AGFG1: variants seen among roughly 807,000 people sequenced by gnomAD.
AGFG1 encodes arf-GAP domain and FG repeat-containing protein 1.
AGFG1 carries 10 observed loss-of-function variants against 60.6 expected under a neutral mutation model. The observed-to-expected ratio is 0.16, with a 90% confidence interval of 0.10 to 0.28. The LOEUF (loss-of-function observed/expected upper bound fraction) is 0.28. Ranked by LOEUF, AGFG1 falls within the 10% of genes least tolerant of loss-of-function variation. The pLI is 1.00. For missense variants in AGFG1, 537 were observed against 676.5 expected, an observed-to-expected ratio of 0.79 and a Z score of 2.29; for synonymous variants, 247 against 242.9, an observed-to-expected ratio of 1.02 and a Z score of -0.16.
At chr2:227,498,828 A>G (rs1691060515) in intron 2 of AGFG1, among the ~76,000 whole-genome samples, 1 of 152,258 alleles carries the variant, frequency 6.6e-6, no homozygotes, top group East Asian at 1.9e-4. Flanking sequence ...GTTACAGTGT[A>G]TTTCTTTCTA....
intron 5 of AGFG1, among the ~76,000 whole-genome samples, chr2:227,525,468 A>G (rs1691965763): frequency 6.6e-6 from 1 of 152,384 alleles, no homozygotes; most frequent in African/African-American, 2.4e-5. Context: ...ATACATACGT[A>G]CATATGTACA....
chr2:227,535,643 T>TA (rs1692287449), intron 8 of AGFG1, among the ~76,000 whole-genome samples: 1 of 152,208 alleles, frequency 6.6e-6, no homozygotes, highest in Non-Finnish European at 1.5e-5. Context: ...ACAAGAGATT[T>TA]ACCTATAACA....
intron 10 of AGFG1, chr2:227,550,133 T>G: frequency 2.3e-6 from 1 of 426,490 alleles, no homozygotes; most frequent in Non-Finnish European, 4.8e-6. Context: ...AATATCTAGA[T>G]TTGTGTGGCA....
At chr2:227,545,087 AG>A (rs1478592274) in intron 10 of AGFG1, among the ~76,000 whole-genome samples, 1 of 152,182 alleles carries the variant, frequency 6.6e-6, no homozygotes. Context: ...CGTCACTTTC[AG>A]GTATACCAAT....
intron 2 of AGFG1, among the ~76,000 whole-genome samples, chr2:227,510,408 A>G (rs1194015158): frequency 6.6e-6 from 1 of 152,178 alleles, no homozygotes; most frequent in Non-Finnish European, 1.5e-5. Flanking sequence ...ATCTGAACTG[A>G]AAAATTGTAT....
chr2:227,515,830 TTATACTC>T (rs1430648862), intron 2 of AGFG1, among the ~76,000 whole-genome samples: 4 of 152,128 alleles, frequency 2.6e-5, no homozygotes, highest in Non-Finnish European at 2.9e-5. Context: ...AAAAGAGACT[TTATACTC>T]TATCAGCAAA....
chr2:227,537,499 T>C (rs1692348117), intron 10 of AGFG1, among the ~76,000 whole-genome samples: 1 of 152,242 alleles, frequency 6.6e-6, no homozygotes, highest in Non-Finnish European at 1.5e-5. Flanking sequence ...TTTTAAGTTG[T>C]GGAAACTTGA....
intron 2 of AGFG1, among the ~76,000 whole-genome samples, chr2:227,517,029 A>G (rs1691670514): frequency 1.3e-5 from 2 of 152,202 alleles, no homozygotes; most frequent in Non-Finnish European, 2.9e-5. Flanking sequence ...GGAGAGTCCC[A>G]TGTAGTTCTT....
intron 1 of AGFG1, among the ~76,000 whole-genome samples, chr2:227,477,463 T>C (rs764522260): frequency 2.5e-4 from 38 of 152,198 alleles, no homozygotes; most frequent in Non-Finnish European, 4.0e-4. Context: ...GAAGTTGGGA[T>C]CTGGAACTGA....
At position 227,554,595 on chromosome 2, in the gene AGFG1, C is replaced by T. The variant is rs1315275584; in HGVS notation, c.*100C>T. 4.8e-6 allele frequency: 5 copies of T among 1,042,276 alleles called. No individual in the cohort carries two copies. In the East Asian group the frequency reaches 7.5e-5, roughly 16 times the overall value. The allele number at this position is 1,042,276 out of a possible 1,614,324, so 64.6% of individuals were successfully genotyped here. On this transcript the variant is annotated 3_prime_UTR_variant, in exon 13 of 13. Coordinates refer to ENST00000310078, the MANE Select transcript of AGFG1 (RefSeq NM_004504.5). ...TTGTTTCACTGATCTTAGCTTTAAA[C>T]ACAAGAGAAGTCTTTAAAAAGCCTG... is the stretch of plus-strand genomic sequence containing the variant.
chr2:227,546,223 C>A (rs1404801273), intron 10 of AGFG1, among the ~76,000 whole-genome samples: 1 of 152,238 alleles, frequency 6.6e-6, no homozygotes, highest in Non-Finnish European at 1.5e-5. Flanking sequence ...TTGCTGCCGC[C>A]TCGCAGTTCA....
Position 227,557,146 on chromosome 2 carries a change from GT to G in AGFG1, c.*2654del, listed in dbSNP as rs1692994237. On this transcript the variant is annotated 3_prime_UTR_variant, in exon 13 of 13. Transcript: ENST00000310078. ...GACCTTCAAATTTCCTGGCTTACTG[GT>G]TTAGTCACATCATTTTTCCTGTTCA... 1 of 152,108 alleles carries G rather than the reference GT, an allele frequency of 6.6e-6. No homozygotes were observed. 9.4% of individuals were successfully genotyped at this position (152,108 alleles called of 1,614,324 possible). A position where few individuals can be genotyped will look rare whatever the true frequency, so the allele number is the denominator to read the frequency against.
At chr2:227,543,228 A>C (rs12997613) in intron 10 of AGFG1, among the ~76,000 whole-genome samples, 152,023 of 152,192 alleles carry the variant, frequency 1, 75,929 homozygotes, top group Middle Eastern at 1. Context: ...TTGCTTCTCT[A>C]GTTCTTTTAA....
intron 7 of AGFG1, among the ~76,000 whole-genome samples, chr2:227,534,561 C>T (rs770673794): frequency 3.3e-5 from 5 of 152,152 alleles, no homozygotes; most frequent in African/African-American, 4.8e-5. Flanking sequence ...GAGATGTTAA[C>T]GTAAGAGCAC....
intron 10 of AGFG1, among the ~76,000 whole-genome samples, chr2:227,539,333 C>T (rs971808979): frequency 2.6e-5 from 4 of 151,416 alleles, no homozygotes; most frequent in African/African-American, 9.7e-5. Flanking sequence ...GTCCCAGCTA[C>T]TTGGGAGGCT....
At chr2:227,507,273 C>A (rs890298684) in intron 2 of AGFG1, among the ~76,000 whole-genome samples, 5 of 151,962 alleles carry the variant, frequency 3.3e-5, no homozygotes, top group African/African-American at 9.7e-5. Context: ...CATAAAAATG[C>A]GGAAGCAGAT....
rs1693098139 is a variant in AGFG1, at chr2:227,560,322, A to C, written c.*5827A>C. 6.6e-6 allele frequency: 1 copy of C among 152,152 alleles called. No individual in the cohort carries two copies. Among genetic ancestry groups the C allele is most frequent in the South Asian group, 2.1e-4 (1 of 4,834 alleles). 9.4% of individuals were successfully genotyped at this position (152,152 alleles called of 1,614,324 possible). ...ATTACTCTTGATTCTGCCTGACTGG[A>C]AACTTTATTAATAAAGTAGACATTA... On this transcript the variant is annotated 3_prime_UTR_variant, in exon 13 of 13. Transcript: ENST00000310078.
chr2:227,546,731 T>C (rs566134986), intron 10 of AGFG1, among the ~76,000 whole-genome samples: 1 of 152,218 alleles, frequency 6.6e-6, no homozygotes, highest in East Asian at 1.9e-4. Context: ...TTAGTGTTTT[T>C]CCCCCCTCAG....
chr2:227,540,462 T>TG (rs1206381325), intron 10 of AGFG1, among the ~76,000 whole-genome samples: 3 of 152,184 alleles, frequency 2.0e-5, no homozygotes, highest in Non-Finnish European at 4.4e-5. Flanking sequence ...TTTCTGTCCT[T>TG]GCGATAGTTT....
Sources: allele counts gnomAD v4.1 joint callset (sites outside exome capture counted in the v4.1 genomes callset), GRCh38; gene constraint gnomAD v4.1.1; transcripts MANE v1.5; gene names NCBI Gene and HGNC (gene_info 2026-07-23, HGNC 2026-07-21).